The following STAU2 variants were observed in gnomAD, a reference collection of about 807,000 sequenced individuals.
STAU2 encodes the protein staufen double-stranded RNA binding protein 2, also known as double-stranded RNA-binding protein Staufen homolog 2.
STAU2 carries 20 observed loss-of-function variants against 65.9 expected under a neutral mutation model. The ratio of observed to expected loss-of-function variants is 0.30; its 90% CI spans 0.21 to 0.44. The LOEUF is 0.44. STAU2 is among the 20% of genes least tolerant of loss of function. The pLI, the probability that STAU2 is intolerant of heterozygous loss-of-function variation, is 1.00. For missense variants in STAU2, 558 were observed against 683.9 expected (o/e 0.82, Z 2.05); for synonymous variants, 232 against 233.9 (o/e 0.99, Z 0.07).
chr8:73,564,257 A>G (rs561078925), intron 12 of STAU2, among the ~76,000 whole-genome samples: 1 of 152,292 alleles, frequency 6.6e-6, no homozygotes, highest in Non-Finnish European at 1.5e-5. Context: ...TTTTCCCGGC[A>G]CCATTTGTTG....
chr8:73,551,278 A>G (rs1005865047), intron 13 of STAU2: 7 of 986,922 alleles, frequency 7.1e-6, no homozygotes, highest in East Asian at 1.1e-4. Context: ...TAAATAGGGG[A>G]AAAAAAGTTT....
intron 13 of STAU2, among the ~76,000 whole-genome samples, chr8:73,464,929 T>C (rs935026874): frequency 6.6e-6 from 1 of 152,212 alleles, no homozygotes; most frequent in East Asian, 1.9e-4. Context: ...ATTAAGAAGA[T>C]ACAGCTAAAA....
chr8:73,678,916 C>A (rs181858152), intron 5 of STAU2, among the ~76,000 whole-genome samples: 3 of 152,196 alleles, frequency 2.0e-5, no homozygotes, highest in African/African-American at 7.2e-5. Context: ...AGAATGTCAA[C>A]CTAGCACAGA....
chr8:73,470,013 C>T (rs372919417), intron 13 of STAU2, among the ~76,000 whole-genome samples: 126 of 152,324 alleles, frequency 8.3e-4, no homozygotes, highest in African/African-American at 2.8e-3. Flanking sequence ...TCAAAATGTA[C>T]AGGCTCTGTG....
At chr8:73,495,662 A>AAT (rs3032943) in intron 13 of STAU2, among the ~76,000 whole-genome samples, 10,219 of 132,384 alleles carry the variant, frequency 0.077, 542 homozygotes, top group African/African-American at 0.11. Flanking sequence ...CATAAAGCCA[A>AAT]ATATATATAT....
Position 73,740,351 on chromosome 8 carries a change from G to A in STAU2, c.-196-483C>T, listed in dbSNP as rs563362149. 7.9e-5 allele frequency among the ~76,000 whole-genome samples: 12 copies of A among 152,242 alleles called. No individual in the cohort carries two copies. The South Asian group carries it at 2.3e-3, about 29-fold the overall frequency. ...AACTCTATAATTCAATATTCCCATGGTGCTTTAGGTATTAATTAATATTTG... is the reference window on the plus strand; with the variant it reads ...AACTCTATAATTCAATATTCCCATGATGCTTTAGGTATTAATTAATATTTG... On this transcript the variant is annotated intron_variant, in intron 1 of 14. Transcript: ENST00000524300.
chr8:73,525,871 C>A (rs1011144320), intron 13 of STAU2, among the ~76,000 whole-genome samples: 1 of 152,220 alleles, frequency 6.6e-6, no homozygotes, highest in Non-Finnish European at 1.5e-5. Context: ...AGACTGTAAG[C>A]TCCATGAGAG....
At chr8:73,433,589 T>C (rs12544186) in intron 13 of STAU2, among the ~76,000 whole-genome samples, 1 of 149,030 alleles carries the variant, frequency 6.7e-6, no homozygotes, top group Non-Finnish European at 1.5e-5. Flanking sequence ...CAATCTACGC[T>C]TCCCGGGTTC....
At chr8:73,425,788 G>GT (rs1422146392) in intron 13 of STAU2, among the ~76,000 whole-genome samples, 4 of 151,806 alleles carry the variant, frequency 2.6e-5, no homozygotes, top group East Asian at 1.9e-4. Flanking sequence ...CATATCACTT[G>GT]TTTTTTTTCT....
chr8:73,633,347 A>G (rs2130048469), intron 6 of STAU2, among the ~76,000 whole-genome samples: 1 of 152,278 alleles, frequency 6.6e-6, no homozygotes, highest in Admixed American at 6.5e-5. Context: ...CCTAACCTCA[A>G]TACTACATTA....
chr8:73,683,655 G>C (rs1167476001), intron 5 of STAU2, among the ~76,000 whole-genome samples: 1 of 152,148 alleles, frequency 6.6e-6, no homozygotes, highest in Admixed American at 6.6e-5. Context: ...AATCGATAAA[G>C]AGGAAGTCAA....
intron 12 of STAU2, among the ~76,000 whole-genome samples, chr8:73,581,619 C>T (rs1809991220): frequency 1.3e-5 from 2 of 152,190 alleles, no homozygotes; most frequent in Non-Finnish European, 2.9e-5. Flanking sequence ...AACACAAACT[C>T]TAGGAATCCT....
intron 12 of STAU2, among the ~76,000 whole-genome samples, chr8:73,574,745 T>TG (rs1563432767): frequency 1.3e-5 from 2 of 151,964 alleles, no homozygotes; most frequent in Non-Finnish European, 2.9e-5. Context: ...CATCACACAC[T>TG]GGGGCCTGTC....
At chr8:73,747,379 G>C, upstream of STAU2, 10 of 1,535,232 alleles carry the variant, frequency 6.5e-6, no homozygotes, top group Non-Finnish European at 8.7e-6. Flanking sequence ...CTGATTCCCC[G>C]CTCGTACCTT....
At chr8:73,723,158 C>T (rs1363462526) in intron 3 of STAU2, among the ~76,000 whole-genome samples, 2 of 151,948 alleles carry the variant, frequency 1.3e-5, no homozygotes, top group African/African-American at 2.4e-5. Flanking sequence ...CTAACTCATA[C>T]TGGAACAATC....
Position 73,443,182 on chromosome 8 carries a change from A to AG in STAU2, c.1531-20481dup, listed in dbSNP as rs140977743. Among the ~76,000 whole-genome samples, 281 of 152,280 alleles carry AG rather than the reference A, an allele frequency of 1.8e-3. 1 individual carries two copies. The highest frequency in any genetic ancestry group is 6.3e-3 in the African/African-American group (263 of 41,566). On this transcript the variant is annotated intron_variant, in intron 13 of 14. Coordinates refer to ENST00000524300, the MANE Select transcript of STAU2 (RefSeq NM_001164380.2). ...GCATCTGGTAGTATCAAAGCCCAGG[A>AG]GGAAAAAAAAGGGTGACTGTGCCAG...
chr8:73,481,340 T>G (rs6472780), intron 13 of STAU2, among the ~76,000 whole-genome samples: 14 of 151,648 alleles, frequency 9.2e-5, no homozygotes, highest in African/African-American at 3.4e-4. Flanking sequence ...GATGGAGGGC[T>G]GGGAGAAAAG....
At chr8:73,699,426 C>A (rs1819923537) in intron 4 of STAU2, among the ~76,000 whole-genome samples, 1 of 150,304 alleles carries the variant, frequency 6.7e-6, no homozygotes, top group Non-Finnish European at 1.5e-5. Flanking sequence ...AACGATTTAG[C>A]CAGACTAAGA....
At chr8:73,677,099 G>A (rs567028312) in intron 5 of STAU2, among the ~76,000 whole-genome samples, 1 of 152,270 alleles carries the variant, frequency 6.6e-6, no homozygotes, top group East Asian at 1.9e-4. Flanking sequence ...ACAGAGCCTA[G>A]CCTAATGCCA....
Sources: gnomAD v4.1 joint callset for allele counts (sites outside exome capture counted in the v4.1 genomes callset) on GRCh38, gnomAD v4.1.1 for gene constraint, MANE v1.5 for transcripts, NCBI Gene and HGNC (gene_info 2026-07-23, HGNC 2026-07-21) for gene names.